The following FOXP2 variants were observed in gnomAD, a reference collection of about 807,000 sequenced individuals.
FOXP2 encodes the protein forkhead box P2.
In FOXP2, 12 loss-of-function variants were observed where a neutral mutation model predicts 115.8. The observed-to-expected ratio is 0.10, with a 90% CI of 0.07 to 0.17. FOXP2 has a LOEUF of 0.17. FOXP2 is among the 10% of genes least tolerant of loss of function. FOXP2 has a pLI of 1.00. For missense variants in FOXP2, 629 were observed against 843.5 expected (o/e 0.75, Z 3.15); for synonymous variants, 328 against 297.7 (o/e 1.10, Z -1.05).
chr7:114,250,694 T>C (rs529749098), intron 1 of FOXP2, among the ~76,000 whole-genome samples: 1 of 152,344 alleles, frequency 6.6e-6, no homozygotes, highest in East Asian at 1.9e-4. Flanking sequence ...ATTCTAGATA[T>C]TAGCCCTTTG....
chr7:114,184,273 T>C (rs1433693672), intron 1 of FOXP2, among the ~76,000 whole-genome samples: 4 of 152,166 alleles, frequency 2.6e-5, no homozygotes, highest in African/African-American at 9.6e-5. Context: ...TTAACTGATA[T>C]TTCTTTCCTA....
rs1802848942 is a variant in FOXP2 at position 114,598,584 on chromosome 7, TAA to T, written c.259-29954_259-29953del. Among the ~76,000 whole-genome samples the T allele has an allele frequency of 2.0e-5, 3 of 152,260 alleles. No individual in the cohort carries two copies. In the South Asian group the frequency reaches 6.2e-4, roughly 32 times the overall value. ...ATTACTTAATGACATTTATCTTTTC[TAA>T]AGTCACCTTTAATTTTTAAAAAATT... On this transcript the variant is annotated intron_variant, in intron 3 of 16. Coordinates refer to ENST00000350908, the MANE Select transcript of FOXP2 (RefSeq NM_014491.4).
rs769342418 is a variant in FOXP2, at chr7:114,426,709, A to G, written c.168+30A>G. Reference sequence around the variant, plus strand: ...GTTTTGTTTTCCTCAGTGCTTCCTTAAAACAAATAAGCTTGTTTTATTGAA... The same window carrying G: ...GTTTTGTTTTCCTCAGTGCTTCCTTGAAACAAATAAGCTTGTTTTATTGAA... On this transcript the variant is annotated intron_variant, in intron 2 of 16. Transcript: ENST00000350908. The G allele has an allele frequency of 1.1e-5, 17 of 1,606,282 alleles. No homozygotes were observed. The African/African-American group carries it at 1.6e-4, about 15-fold the overall frequency.
chr7:114,569,997 T>C (rs558743029), intron 3 of FOXP2, among the ~76,000 whole-genome samples: 1 of 152,074 alleles, frequency 6.6e-6, no homozygotes, highest in African/African-American at 2.4e-5. Context: ...TTTCATATCA[T>C]ACATGAAGTC....
intron 1 of FOXP2, among the ~76,000 whole-genome samples, chr7:114,417,717 A>C (rs1298190470): frequency 2.0e-5 from 3 of 151,936 alleles, no homozygotes; most frequent in Admixed American, 6.6e-5. Context: ...TTAATGACAA[A>C]GGGGCAACAA....
At chr7:114,446,006 T>C (rs1794819720) in intron 2 of FOXP2, among the ~76,000 whole-genome samples, 1 of 151,744 alleles carries the variant, frequency 6.6e-6, no homozygotes, top group South Asian at 2.1e-4. Flanking sequence ...ACTCATATAA[T>C]ATACTGAATT....
Position 114,642,450 on chromosome 7 carries a change from A to C in FOXP2, c.816A>C (p.Glu272Asp), listed in dbSNP as rs753640569. 5.0e-6 allele frequency: 8 copies of C among 1,613,700 alleles called. No individual in the cohort carries two copies. Residue 272 changes from glutamate (E) to aspartate (D), a missense_variant, in exon 7 of 17, where the codon GAA becomes GAC. Physicochemically the swap from Glu to Asp is conservative, Grantham distance 45. Transcript: ENST00000350908. ...CTGAGATTCAGCAGTTATGGAAAGA[A>C]GTGACTGGAGTTCACAGTATGGAAG... Reference protein sequence around the residue: ...SPAEIQQLWKEVTGVHSMEDN... With the variant: ...SPAEIQQLWKDVTGVHSMEDN...
chr7:114,401,399 A>C (rs543426459), intron 2 of FOXP2, among the ~76,000 whole-genome samples: 1 of 152,148 alleles, frequency 6.6e-6, no homozygotes, highest in Non-Finnish European at 1.5e-5. Flanking sequence ...GAAGAGATGG[A>C]GGCATAAAAG....
chr7:114,270,492 A>G (rs893509992), intron 1 of FOXP2, among the ~76,000 whole-genome samples: 2 of 152,158 alleles, frequency 1.3e-5, no homozygotes, highest in Non-Finnish European at 2.9e-5. Flanking sequence ...TGATGTTGCC[A>G]GTGTATTGGA....
At chr7:114,577,155 C>A (rs1801616300) in intron 3 of FOXP2, among the ~76,000 whole-genome samples, 2 of 151,926 alleles carry the variant, frequency 1.3e-5, no homozygotes, top group South Asian at 4.1e-4. Flanking sequence ...ATAGTTTATG[C>A]AGTACTGTAT....
chr7:114,572,440 A>G (rs1801354596), intron 3 of FOXP2, among the ~76,000 whole-genome samples: 1 of 151,824 alleles, frequency 6.6e-6, no homozygotes, highest in Non-Finnish European at 1.5e-5. Flanking sequence ...TTTTGCTGAT[A>G]TGATGTAATT....
At chr7:114,144,566 A>G (rs1792313825) in intron 1 of FOXP2, among the ~76,000 whole-genome samples, 1 of 152,152 alleles carries the variant, frequency 6.6e-6, no homozygotes, top group Admixed American at 6.6e-5. Context: ...CATGTTGAGT[A>G]TTATTTTCTT....
At chr7:114,659,243 A>T in intron 11 of FOXP2, 113 bp from the exon 12 acceptor site, 1 of 771,034 alleles carries the variant, frequency 1.3e-6, no homozygotes, top group Non-Finnish European at 2.3e-6. Flanking sequence ...TGCTTTCACT[A>T]GTCGGTGGCT....
chr7:114,545,504 A>T (rs939672618), intron 3 of FOXP2, among the ~76,000 whole-genome samples: 11 of 152,142 alleles, frequency 7.2e-5, no homozygotes, highest in South Asian at 4.1e-4. Flanking sequence ...TTAATTTTTT[A>T]AAATAATATC....
At chr7:114,448,297 C>A (rs1220048624) in intron 2 of FOXP2, among the ~76,000 whole-genome samples, 1 of 152,026 alleles carries the variant, frequency 6.6e-6, no homozygotes, top group Non-Finnish European at 1.5e-5. Flanking sequence ...TCTTGCAAAT[C>A]TGGTAAATAA....
chr7:114,539,491 TC>T (rs2129280244), intron 3 of FOXP2, among the ~76,000 whole-genome samples: 1 of 152,040 alleles, frequency 6.6e-6, no homozygotes, highest in Admixed American at 6.6e-5. Context: ...TTAAAGATAT[TC>T]TTTACTATTT....
At chr7:114,394,013 A>T (rs1045962454) in intron 2 of FOXP2, among the ~76,000 whole-genome samples, 25 of 149,702 alleles carry the variant, frequency 1.7e-4, no homozygotes, top group African/African-American at 3.2e-4. Context: ...TGTGAGAGAG[A>T]GAGAGAGAGA....
chr7:114,122,653 G>A (rs1029665387), intron 1 of FOXP2, among the ~76,000 whole-genome samples: 2 of 151,730 alleles, frequency 1.3e-5, no homozygotes, highest in African/African-American at 4.8e-5. Context: ...GAAAGAGAAG[G>A]TTCAAAGGCA....
intron 16 of FOXP2, among the ~76,000 whole-genome samples, chr7:114,676,634 C>T (rs184117177): frequency 6.6e-6 from 1 of 152,024 alleles, no homozygotes; most frequent in Admixed American, 6.5e-5. Context: ...GGTGACAAGG[C>T]TAATCATATC....
Sources: allele counts gnomAD v4.1 joint callset (sites outside exome capture counted in the v4.1 genomes callset), GRCh38; gene constraint gnomAD v4.1.1; transcripts MANE v1.5; gene names NCBI Gene and HGNC (gene_info 2026-07-23, HGNC 2026-07-21).